The following MGAM variants were observed in gnomAD, a reference collection of about 807,000 sequenced individuals.
MGAM encodes maltase-glucoamylase.
In MGAM, 253 loss-of-function variants were observed where a neutral mutation model predicts 358.8. The observed-to-expected ratio is 0.71, with a 90% CI of 0.64 to 0.78. MGAM has a LOEUF of 0.78. Ranked by LOEUF, MGAM falls within the 30% of genes least tolerant of loss-of-function variation. MGAM has a pLI of 0.00. For synonymous variants in MGAM, 1,105 were observed against 1,227.1 expected (o/e 0.90, Z 2.08); for missense variants, 3,080 against 3,432.6 (o/e 0.90, Z 2.57).
At position 142,021,087 on chromosome 7, in the gene MGAM, G is replaced by T. The variant is rs1295647757; in HGVS notation, c.558+4G>T. 1 of 1,577,270 alleles carries T rather than the reference G, an allele frequency of 6.3e-7. No homozygotes were observed. The highest frequency in any genetic ancestry group is 8.6e-7 in the Non-Finnish European group (1 of 1,161,994). On this transcript the variant is annotated splice_donor_region_variant and intron_variant, in intron 5 of 70. Coordinates refer to ENST00000475668, the MANE Select transcript of MGAM (RefSeq NM_001365693.1). Reference sequence around the variant, plus strand: ...ATCTAATCGTTTCCACTTTAAGGTTGTAATTTGTTTATTTTTTTTTAAGTT... The same window carrying T: ...ATCTAATCGTTTCCACTTTAAGGTTTTAATTTGTTTATTTTTTTTTAAGTT...
chr7:142,064,444 T>C lies in MGAM; in HGVS notation c.4406T>C (p.Ile1469Thr). The C allele has an allele frequency of 3.7e-6, 6 of 1,603,556 alleles. No individual in the cohort carries two copies. The highest frequency in any genetic ancestry group is 5.1e-6 in the Non-Finnish European group (6 of 1,175,186). ...SKTLCMESQQ[I>T]LPDGSLVQHY... ...ACCCTTTGTATGGAGAGTCAGCAGA[T>C]CCTCCCAGACGGCTCCCTGGTGCAG... is the stretch of plus-strand genomic sequence containing the variant. Residue 1469 changes from isoleucine to threonine, a missense_variant, in exon 37 of 71, where the codon ATC becomes ACC. By Grantham distance (89) the Ile-to-Thr change is moderately conservative. Around this residue, in one of 5 missense-constraint regions of MGAM, gnomAD observed 1,816 missense variants for 1,840.5 expected, o/e 0.99. Transcript: ENST00000475668.
chr7:142,076,431 T>C (rs1479649200), intron 46 of MGAM, 179 bp downstream of exon 46: 6 of 866,348 alleles, frequency 6.9e-6, no homozygotes, highest in Non-Finnish European at 1.1e-5. Flanking sequence ...ATATAGCAAG[T>C]AGTGTTTCTA....
intron 10 of MGAM, among the ~76,000 whole-genome samples, chr7:142,030,057 C>T (rs554671459): frequency 6.6e-6 from 1 of 152,014 alleles, no homozygotes; most frequent in Non-Finnish European, 1.5e-5. Context: ...GTCTGATTGT[C>T]TTAGGGGTTT....
intron 7 of MGAM, among the ~76,000 whole-genome samples, chr7:142,024,347 G>A (rs556198165): frequency 6.2e-4 from 94 of 151,994 alleles, no homozygotes; most frequent in South Asian, 2.1e-3. Flanking sequence ...CTGGGAGGTG[G>A]AGGTTACCGT....
chr7:142,091,978 G>A lies in MGAM; in HGVS notation c.6876G>A (p.Arg2292=). 1 of 1,539,650 alleles carries A rather than the reference G, an allele frequency of 6.5e-7. No homozygotes were observed. The highest frequency in any genetic ancestry group is 8.9e-7 in the Non-Finnish European group (1 of 1,121,878). The stretch of plus-strand genomic sequence containing the variant: ...ATTCAACTGCCAAGTGGTGGAAGAG[G>A]GAAATAGAAGAACTATACAACAATC... ...FRNSTAKWWK[R]EIEELYNNPQ... is the part of the protein sequence containing the mutation. The change falls in exon 58 of 71, where the codon AGG becomes AGA. Residue 2292 remains arginine (R), a synonymous_variant. Coordinates refer to ENST00000475668, the MANE Select transcript of MGAM (RefSeq NM_001365693.1).
chr7:142,005,477 G>T (rs1805076436), intron 1 of MGAM, 52 bp from the exon 2 acceptor site: 7 of 1,313,316 alleles, frequency 5.3e-6, no homozygotes, highest in Non-Finnish European at 7.3e-6. Flanking sequence ...AATCTTACTA[G>T]TTATATAGTA....
chr7:142,095,065 C>G (rs1401414402), intron 63 of MGAM, among the ~76,000 whole-genome samples: 1 of 152,026 alleles, frequency 6.6e-6, no homozygotes, highest in Non-Finnish European at 1.5e-5. Context: ...CTCTGGGGCT[C>G]AAGCGACTCA....
At chr7:142,079,330 T>A (rs1310112369) in intron 49 of MGAM, among the ~76,000 whole-genome samples, 2 of 145,464 alleles carry the variant, frequency 1.4e-5, no homozygotes, top group Non-Finnish European at 3.1e-5. Context: ...TGGAGAACAG[T>A]GCACCTAGTT....
chr7:142,056,991 G>T, intron 30 of MGAM, 49 bp downstream of exon 30: 1 of 1,559,722 alleles, frequency 6.4e-7, no homozygotes, highest in East Asian at 2.3e-5. Context: ...GCACATTCTG[G>T]GTGCCAGAGT....
At chr7:142,083,917 G>A (rs1814547911) in intron 53 of MGAM, among the ~76,000 whole-genome samples, 1 of 131,672 alleles carries the variant, frequency 7.6e-6, no homozygotes, top group Admixed American at 7.2e-5. Context: ...TGGTGGTAGT[G>A]GTGGTGACAG....
chr7:142,076,771 A>G lies in MGAM; in HGVS notation c.5438A>G (p.His1813Arg), dbSNP rs1263840884. 1.3e-6 allele frequency: 2 copies of G among 1,555,616 alleles called. No individual in the cohort carries two copies. Among genetic ancestry groups the G allele is most frequent in the Non-Finnish European group, 1.8e-6 (2 of 1,131,826 alleles). ...GAACCTAGCAATGTTACGGTGAAAC[A>G]CAATGGTGTCCCAAGTCAGACTTCT... is the stretch of plus-strand genomic sequence containing the variant. ...MEEPSNVTVKHNGVPSQTSPT... is the reference protein window; with the variant it reads ...MEEPSNVTVKRNGVPSQTSPT... The change falls in exon 47 of 71, where the codon CAC becomes CGC. Residue 1813 changes from histidine to arginine, a missense_variant. By Grantham distance (29) the His-to-Arg change is conservative. This residue lies in a region of MGAM where 932 missense variants were observed against 1,198.2 expected (regional missense o/e 0.78). Transcript: ENST00000475668.
Position 142,041,961 on chromosome 7 carries a change from ATATATATATTATATATATATAATATAAT to A in MGAM, c.2498+1116_2498+1143del, listed in dbSNP as rs1563145010. Among the ~76,000 whole-genome samples the A allele has an allele frequency of 2.4e-3, 60 of 24,952 alleles. 3 individuals carry two copies. Among genetic ancestry groups the A allele is most frequent in the African/African-American group, 9.7e-3 (59 of 6,102 alleles). The allele number at this position is 24,952 out of a possible 152,430, so 16.4% of individuals were successfully genotyped here. ...TATTATATATATACATATATATAAT[ATATATATATTATATATATATAATATAAT>A]ATATATATATTATATATATAATATA... On this transcript the variant is annotated intron_variant, in intron 21 of 70. Transcript: ENST00000475668.
intron 1 of MGAM, among the ~76,000 whole-genome samples, chr7:141,996,677 A>G (rs1804264410): frequency 6.6e-6 from 1 of 152,214 alleles, no homozygotes; most frequent in African/African-American, 2.4e-5. Context: ...GTAACTGAAG[A>G]ACCAATTATA....
Position 142,005,615 on chromosome 7 carries a change from G to A in MGAM, c.85G>A (p.Val29Ile), listed in dbSNP as rs1805091766. ...LLLVLFIISI[V>I]LIVLLAKESL... Reference sequence around the variant, plus strand: ...GCTTGTGTTGTTTATCATCAGTATTGTTCTAATTGTGCTTTTAGCCAAAGA... The same window carrying A: ...GCTTGTGTTGTTTATCATCAGTATTATTCTAATTGTGCTTTTAGCCAAAGA... Residue 29 changes from valine (V) to isoleucine (I), a missense_variant, in exon 2 of 71, where the codon GTT (valine) becomes ATT (isoleucine). By Grantham distance (29) the Val-to-Ile change is conservative. Transcript: ENST00000475668. The A allele has an allele frequency of 1.9e-6, 3 of 1,596,836 alleles. No homozygotes were observed. Among genetic ancestry groups the A allele is most frequent in the African/African-American group, 2.7e-5 (2 of 74,554 alleles).
At position 142,044,072 on chromosome 7, in the gene MGAM, A is replaced by G. The variant is rs190472968; in HGVS notation, c.2498+3226A>G. Among the ~76,000 whole-genome samples, 292 of 130,052 alleles carry G rather than the reference A, an allele frequency of 2.2e-3. 16 individuals are homozygous for G. Among genetic ancestry groups the G allele is most frequent in the Non-Finnish European group, 3.7e-3 (228 of 61,642 alleles). 85.3% of individuals were successfully genotyped at this position (130,052 alleles called of 152,430 possible). A position where few individuals can be genotyped will look rare whatever the true frequency, so the allele number is the denominator to read the frequency against. The stretch of plus-strand genomic sequence containing the variant: ...TACATTATATACACATACGACGTAT[A>G]ATACATTATATACACATACGACGTA... On this transcript the variant is annotated intron_variant, in intron 21 of 70. Coordinates refer to ENST00000475668, the MANE Select transcript of MGAM (RefSeq NM_001365693.1).
chr7:142,020,693 G>T (rs564982425), intron 4 of MGAM, among the ~76,000 whole-genome samples: 151 of 150,688 alleles, frequency 1.0e-3, no homozygotes, highest in African/African-American at 3.6e-3. Flanking sequence ...TCCACCTCTG[G>T]GGTTGAAGCA....
At position 142,045,787 on chromosome 7, in the gene MGAM, A is replaced by T. The variant is rs1292146845; in HGVS notation, c.2499-1998A>T. 2.5e-5 allele frequency among the ~76,000 whole-genome samples: 3 copies of T among 121,440 alleles called. 1 individual carries two copies. In the East Asian group the frequency reaches 6.9e-4, roughly 28 times the overall value. The allele number at this position is 121,440 out of a possible 152,430, so 79.7% of individuals were successfully genotyped here. A position where few individuals can be genotyped will look rare whatever the true frequency, so the allele number is the denominator to read the frequency against. On this transcript the variant is annotated intron_variant, in intron 21 of 70. Transcript: ENST00000475668. ...CATACAATGTATGAATATATAATAT[A>T]CATATCGTATATACATACAATGTAT... is the stretch of plus-strand genomic sequence containing the variant.
At chr7:142,072,072 G>A (rs1813389382) in intron 44 of MGAM, among the ~76,000 whole-genome samples, 1 of 145,952 alleles carries the variant, frequency 6.9e-6, no homozygotes, top group Non-Finnish European at 1.6e-5. Context: ...TTTTCTAACT[G>A]TTCACCTTCA....
rs767634052 is a variant in MGAM at position 142,068,630 on chromosome 7, T to C, written c.5005-17T>C. 6.6e-7 allele frequency: 1 copy of C among 1,519,508 alleles called. No individual in the cohort carries two copies. Among genetic ancestry groups the C allele is most frequent in the African/African-American group, 1.3e-5 (1 of 74,512 alleles). The allele number at this position is 1,519,508 out of a possible 1,614,324, so 94.1% of individuals were successfully genotyped here. A position where few individuals can be genotyped will look rare whatever the true frequency, so the allele number is the denominator to read the frequency against. On this transcript the variant is annotated splice_polypyrimidine_tract_variant and intron_variant, in intron 42 of 70. Coordinates refer to ENST00000475668, the MANE Select transcript of MGAM (RefSeq NM_001365693.1). ...AAAATGGTGGCACTGCCTCACCTTG[T>C]TTGTGTTTCATTTTAGAATGCCAGA...
Sources: allele counts gnomAD v4.1 joint callset (sites outside exome capture counted in the v4.1 genomes callset), GRCh38; gene constraint gnomAD v4.1.1; regional missense constraint gnomAD v4.1.1; transcripts MANE v1.5; gene names NCBI Gene and HGNC (gene_info 2026-07-23, HGNC 2026-07-21).